The following PRUNE2 variants were observed in gnomAD, a reference collection of about 807,000 sequenced individuals.
PRUNE2 encodes the protein prune homolog 2 with BCH domain.
A neutral mutation model predicts 252.0 loss-of-function variants in PRUNE2; 164 were observed. The observed-to-expected ratio is 0.65, with a 90% CI of 0.57 to 0.74. PRUNE2 has a LOEUF of 0.74. Ranked by LOEUF, PRUNE2 falls within the 30% of genes least tolerant of loss-of-function variation. The probability of loss-of-function intolerance (pLI) is 0.00; values close to 1 mark genes in which losing one functional copy is unlikely to be tolerated. For missense variants in PRUNE2, 3,495 were observed against 3,711.0 expected (o/e 0.94, Z 1.51); for synonymous variants, 1,292 against 1,350.2 (o/e 0.96, Z 0.94).
At chr9:76,831,185 T>A (rs967479861) in intron 4 of PRUNE2, among the ~76,000 whole-genome samples, 2 of 151,938 alleles carry the variant, frequency 1.3e-5, no homozygotes, top group Non-Finnish European at 2.9e-5. Flanking sequence ...CACCTCGGCC[T>A]CCCAAAGTGC....
chr9:76,875,709 T>C (rs976275423), intron 1 of PRUNE2, among the ~76,000 whole-genome samples: 1 of 152,212 alleles, frequency 6.6e-6, no homozygotes, highest in Non-Finnish European at 1.5e-5. Flanking sequence ...TCTCAAGATG[T>C]TCTCTGCACA....
chr9:76,761,022 GT>G (rs1258210441), intron 6 of PRUNE2, among the ~76,000 whole-genome samples: 1 of 149,660 alleles, frequency 6.7e-6, no homozygotes, highest in Admixed American at 6.7e-5. Context: ...GGAGGCAGAG[GT>G]TGCGGTGAGC....
chr9:76,629,149 T>A, intron 16 of PRUNE2, 43 bp downstream of exon 16: 1 of 1,251,384 alleles, frequency 8.0e-7, no homozygotes, highest in South Asian at 1.3e-5. Context: ...AGCCTCAAAC[T>A]AGTACTATTT....
chr9:76,728,793 T>C (rs781709049), intron 6 of PRUNE2, among the ~76,000 whole-genome samples: 3 of 152,218 alleles, frequency 2.0e-5, no homozygotes, highest in Non-Finnish European at 4.4e-5. Context: ...AAGTTACTTA[T>C]TAGGCTAAGC....
At chr9:76,864,411 T>C (rs7039160) in intron 1 of PRUNE2, among the ~76,000 whole-genome samples, 6,957 of 152,006 alleles carry the variant, frequency 0.046, 521 homozygotes, top group African/African-American at 0.16. Context: ...AATACACCCA[T>C]GTAACAAACC....
intron 15 of PRUNE2, among the ~76,000 whole-genome samples, chr9:76,634,989 T>C (rs1839375383): frequency 6.6e-6 from 1 of 152,196 alleles, no homozygotes; most frequent in South Asian, 2.1e-4. Context: ...GTTTGTTTTT[T>C]GGAGGCACAG....
chr9:76,624,949 T>G, intron 16 of PRUNE2: 3 of 946,958 alleles, frequency 3.2e-6, no homozygotes, highest in Non-Finnish European at 3.0e-6. Context: ...GGTAGCTTGT[T>G]GAGGTCACCC....
intron 6 of PRUNE2, among the ~76,000 whole-genome samples, chr9:76,741,647 C>T (rs2049631237): frequency 6.6e-6 from 1 of 152,152 alleles, no homozygotes; most frequent in Non-Finnish European, 1.5e-5. Context: ...CCATCAAACG[C>T]CTCCATTTAT....
chr9:76,641,551 T>C (rs927921399), intron 12 of PRUNE2, among the ~76,000 whole-genome samples: 6 of 152,206 alleles, frequency 3.9e-5, no homozygotes, highest in Admixed American at 2.6e-4. Flanking sequence ...CCCAGATACC[T>C]TGAAGGGGTC....
At chr9:76,723,046 C>G (rs17181081) in intron 6 of PRUNE2, among the ~76,000 whole-genome samples, 1 of 152,232 alleles carries the variant, frequency 6.6e-6, no homozygotes, top group Non-Finnish European at 1.5e-5. Context: ...CTGCTTACGT[C>G]TTTTGAAGAT....
At position 76,703,428 on chromosome 9, in the gene PRUNE2, G is replaced by T. The variant is rs2046056056; in HGVS notation, c.8185C>A (p.Gln2729Lys). The T allele has an allele frequency of 6.2e-7, 1 of 1,613,636 alleles. No homozygotes were observed. Among genetic ancestry groups the T allele is most frequent in the South Asian group, 1.1e-5 (1 of 91,084 alleles). Residue 2729 changes from glutamine (Q) to lysine (K), a missense_variant, in exon 9 of 19, where the codon CAG becomes AAG. Transcript: ENST00000376718. ...GGGATCATGTTTTTCTGAACAGGCT[G>T]TGGTGAAAGCATTTCCCATTCATTG... ...HDNEWEMLSP[Q>K]PVQKNMIPDT...
At chr9:76,880,356 G>A (rs990948700) in intron 1 of PRUNE2, among the ~76,000 whole-genome samples, 5 of 152,210 alleles carry the variant, frequency 3.3e-5, no homozygotes, top group African/African-American at 1.2e-4. Flanking sequence ...GAAGGTCTGT[G>A]AAGTCAAATC....
intron 1 of PRUNE2, among the ~76,000 whole-genome samples, chr9:76,882,002 T>C (rs1479493285): frequency 6.6e-6 from 1 of 152,156 alleles, no homozygotes; most frequent in African/African-American, 2.4e-5. Flanking sequence ...CATAATGTTT[T>C]TGAGGTTCAG....
chr9:76,705,901 T>A lies in PRUNE2; in HGVS notation c.6373A>T (p.Met2125Leu). 6.2e-7 allele frequency: 1 copy of A among 1,613,960 alleles called. No individual in the cohort carries two copies. Among genetic ancestry groups the A allele is most frequent in the Non-Finnish European group, 8.5e-7 (1 of 1,179,888 alleles). ...QETEKHLSAC[M>L]GPEVESSELC... ...TCACTGGATTCCACTTCAGGTCCCATGCAAGCACTGAGGTGCTTCTCAGTC... is the reference window on the plus strand; with the variant it reads ...TCACTGGATTCCACTTCAGGTCCCAAGCAAGCACTGAGGTGCTTCTCAGTC... Residue 2125 changes from methionine (M) to leucine (L), a missense_variant, in exon 8 of 19, where the codon ATG becomes TTG. By Grantham distance (15) the Met-to-Leu change is conservative. Coordinates refer to ENST00000376718, the MANE Select transcript of PRUNE2 (RefSeq NM_015225.3).
chr9:76,755,397 C>G lies in PRUNE2; in HGVS notation c.757-41676G>C, dbSNP rs1173954130. On this transcript the variant is annotated intron_variant, in intron 6 of 18. Coordinates refer to ENST00000376718, the MANE Select transcript of PRUNE2 (RefSeq NM_015225.3). Reference sequence around the variant, plus strand: ...GAATGAGGGAGGGAGGAATGGATGGCTGGATGGGTGGTTAAGTGAACACCA... The same window carrying G: ...GAATGAGGGAGGGAGGAATGGATGGGTGGATGGGTGGTTAAGTGAACACCA... 2.0e-5 allele frequency among the ~76,000 whole-genome samples: 3 copies of G among 151,932 alleles called. No homozygotes were observed. In the South Asian group the frequency reaches 6.2e-4, roughly 32 times the overall value.
chr9:76,716,572 G>A (rs999718676), intron 6 of PRUNE2, among the ~76,000 whole-genome samples: 3 of 152,102 alleles, frequency 2.0e-5, no homozygotes, highest in African/African-American at 7.2e-5. Context: ...TTTCTGGGCC[G>A]ATTTGCTACA....
At chr9:76,726,026 G>A (rs1292407337) in intron 6 of PRUNE2, among the ~76,000 whole-genome samples, 1 of 152,228 alleles carries the variant, frequency 6.6e-6, no homozygotes, top group South Asian at 2.1e-4. Context: ...TATGCAGGTC[G>A]TCCTGCCTCT....
At chr9:76,891,295 G>A (rs938902833) in intron 1 of PRUNE2, among the ~76,000 whole-genome samples, 6 of 152,090 alleles carry the variant, frequency 3.9e-5, no homozygotes, top group African/African-American at 1.2e-4. Context: ...GATGTTATAG[G>A]CAATTAAACT....
chr9:76,693,546 C>A (rs1313796179), intron 9 of PRUNE2, among the ~76,000 whole-genome samples: 1 of 148,764 alleles, frequency 6.7e-6, no homozygotes, highest in South Asian at 2.1e-4. Context: ...CAGGTTCAAT[C>A]GATTCTCCTG....
Sources: allele counts gnomAD v4.1 joint callset (sites outside exome capture counted in the v4.1 genomes callset), GRCh38; gene constraint gnomAD v4.1.1; transcripts MANE v1.5; gene names NCBI Gene and HGNC (gene_info 2026-07-23, HGNC 2026-07-21).